BNC1: variants seen among roughly 807,000 people sequenced by gnomAD.
The protein encoded by BNC1 is zinc finger protein basonuclin-1.
A neutral mutation model predicts 66.5 loss-of-function variants in BNC1; 8 were observed. The ratio of observed to expected loss-of-function variants is 0.12; its 90% CI spans 0.07 to 0.22. The LOEUF is 0.22. BNC1 is among the 10% of genes least tolerant of loss of function. BNC1 has a pLI of 1.00. For missense variants in BNC1, 1,069 were observed against 1,241.3 expected (o/e 0.86, Z 2.09); for synonymous variants, 454 against 452.6 (o/e 1.00, Z -0.04).
Position 83,257,219 on chromosome 15 carries a change from GA to G in BNC1, c.*222del. The G allele has an allele frequency of 1.7e-6, 1 of 588,236 alleles. No individual in the cohort carries two copies. Among genetic ancestry groups the G allele is most frequent in the Non-Finnish European group, 3.0e-6 (1 of 338,648 alleles). 36.4% of individuals were successfully genotyped at this position (588,236 alleles called of 1,614,324 possible). A position where few individuals can be genotyped will look rare whatever the true frequency, so the allele number is the denominator to read the frequency against. ...TTCTGCAAGTTTTCCTTGTATCAGTGAAAGACCTCTTGGGCTAAGAAAAATA... is the reference window on the plus strand; with the variant it reads ...TTCTGCAAGTTTTCCTTGTATCAGTGAAGACCTCTTGGGCTAAGAAAAATA... On this transcript the variant is annotated 3_prime_UTR_variant, in exon 5 of 5. Coordinates refer to ENST00000345382, the MANE Select transcript of BNC1 (RefSeq NM_001717.4).
In BNC1 at chr15:83,264,001, A is replaced by T; in HGVS notation, c.1250T>A (p.Met417Lys). ...GTCTTTGTCCCGGTTATTTCTGTTCATTGGCATGTGCAGCCGAGGGTTGGG... is the reference window on the plus strand; with the variant it reads ...GTCTTTGTCCCGGTTATTTCTGTTCTTTGGCATGTGCAGCCGAGGGTTGGG... ...ANPNPRLHMP[M>K]NRNNRDKDLR... The change falls in exon 4 of 5, where the codon ATG becomes AAG. Residue 417 changes from methionine to lysine, a missense_variant. Physicochemically the swap from Met to Lys is moderately conservative, Grantham distance 95 (BLOSUM62 -1). Coordinates refer to ENST00000345382, the MANE Select transcript of BNC1 (RefSeq NM_001717.4). 6.2e-7 allele frequency: 1 copy of T among 1,614,134 alleles called. No individual in the cohort carries two copies. The highest frequency in any genetic ancestry group is 8.5e-7 in the Non-Finnish European group (1 of 1,180,040).
chr15:83,262,915 T>G, intron 4 of BNC1, 36 bp downstream of exon 4: 1 of 1,549,784 alleles, frequency 6.5e-7, no homozygotes, highest in Non-Finnish European at 8.7e-7. Context: ...GAAGAGCCAC[T>G]GCCTTAGAAA....
intron 1 of BNC1, among the ~76,000 whole-genome samples, chr15:83,280,819 A>G (rs1047869541): frequency 9.2e-5 from 14 of 152,214 alleles, no homozygotes; most frequent in African/African-American, 3.1e-4. Flanking sequence ...TAACTATATG[A>G]AAAAATGTTA....
intron 1 of BNC1, among the ~76,000 whole-genome samples, chr15:83,274,249 G>T (rs1341009215): frequency 1.3e-5 from 2 of 152,146 alleles, no homozygotes; most frequent in African/African-American, 2.4e-5. Context: ...GCCGGGCGTG[G>T]TGGCAGGCGC....
chr15:83,268,846 T>C (rs2038242510), intron 1 of BNC1, among the ~76,000 whole-genome samples: 1 of 152,238 alleles, frequency 6.6e-6, no homozygotes. Flanking sequence ...TATGGTGCCA[T>C]GTTTTATGTG....
chr15:83,258,518 C>T (rs2038108561), intron 4 of BNC1, among the ~76,000 whole-genome samples: 1 of 152,124 alleles, frequency 6.6e-6, no homozygotes, highest in Non-Finnish European at 1.5e-5. Context: ...TCCCATGTGC[C>T]CACAGCAGCA....
chr15:83,279,911 G>A (rs1200122576), intron 1 of BNC1, among the ~76,000 whole-genome samples: 1 of 152,192 alleles, frequency 6.6e-6, no homozygotes, highest in Non-Finnish European at 1.5e-5. Flanking sequence ...CAGGTGGGAG[G>A]TAGAGCTCCT....
Position 83,263,401 on chromosome 15 carries a change from G to T in BNC1, c.1850C>A (p.Ser617Tyr), listed in dbSNP as rs2038169953. ...AGGGGTTTGGCTGATGGCTCCACTG[G>T]ACTCAATTACTGATTCACGATGGCA... ...RPCHRESVIESSGAISQTPEQ... is the reference protein window; with the variant it reads ...RPCHRESVIEYSGAISQTPEQ... Residue 617 changes from serine to tyrosine, a missense_variant, in exon 4 of 5, where the codon TCC becomes TAC. Physicochemically the swap from Ser to Tyr is moderately radical, Grantham distance 144. Around this residue, in one of 7 missense-constraint regions of BNC1, gnomAD observed 657 missense variants for 715.8 expected, o/e 0.92. Transcript: ENST00000345382. 5 of 1,614,184 alleles carry T rather than the reference G, an allele frequency of 3.1e-6. No individual in the cohort carries two copies. The highest frequency in any genetic ancestry group is 4.2e-6 in the Non-Finnish European group (5 of 1,180,040).
chr15:83,267,046 G>C lies in BNC1; in HGVS notation c.225C>G (p.Pro75=), dbSNP rs1469858750. 2 of 1,612,816 alleles carry C rather than the reference G, an allele frequency of 1.2e-6. No individual in the cohort carries two copies. The highest frequency in any genetic ancestry group is 2.2e-5 in the East Asian group (1 of 44,862). The part of the protein sequence containing the change: ...AHALSKLRIP[P]MYPTSQVEIV... ...TCTCCACCTGGCTTGTTGGATACAT[G>C]GGGGGGATCCTTAGCTTACTTAGAG... Residue 75 remains proline (P), a synonymous_variant, in exon 3 of 5, where the codon CCC becomes CCG. Transcript: ENST00000345382.
chr15:83,263,844 G>T lies in BNC1; in HGVS notation c.1407C>A (p.Phe469Leu), dbSNP rs2038181538. 3.1e-6 allele frequency: 5 copies of T among 1,614,074 alleles called. No individual in the cohort carries two copies. The highest frequency in any genetic ancestry group is 4.2e-6 in the Non-Finnish European group (5 of 1,180,050). ...GCACACCATTTTGCCCAATGTTTGG[G>T]AAGGCTGGTTGGCCTTTGGAATCCT... ...SGEDSKGQPA[F>L]PNIGQNGVLF... The change falls in exon 4 of 5, where the codon TTC (phenylalanine) becomes TTA (leucine). Residue 469 changes from phenylalanine (F) to leucine (L), a missense_variant. Transcript: ENST00000345382.
rs1326416410 is a variant in BNC1 at position 83,268,178 on chromosome 15, T to A, written c.154A>T (p.Asn52Tyr). Residue 52 changes from asparagine to tyrosine, a missense_variant, in exon 2 of 5, where the codon AAC (asparagine) becomes TAC (tyrosine). Asn to Tyr is a moderately radical substitution (Grantham distance 143). Coordinates refer to ENST00000345382, the MANE Select transcript of BNC1 (RefSeq NM_001717.4). ...SCQSFKPGKINHRQCDQCKHG... is the reference protein window; with the variant it reads ...SCQSFKPGKIYHRQCDQCKHG... ...TTGCATTGGTCACACTGACGGTGGTTTATTTTCCCGGGTTTGAAACTTTGG... is the reference window on the plus strand; with the variant it reads ...TTGCATTGGTCACACTGACGGTGGTATATTTTCCCGGGTTTGAAACTTTGG... 1 of 1,614,202 alleles carries A rather than the reference T, an allele frequency of 6.2e-7. No individual in the cohort carries two copies. Among genetic ancestry groups the A allele is most frequent in the Non-Finnish European group, 8.5e-7 (1 of 1,180,032 alleles).
At chr15:83,258,530 T>A (rs1301987993) in intron 4 of BNC1, among the ~76,000 whole-genome samples, 1 of 152,154 alleles carries the variant, frequency 6.6e-6, no homozygotes, top group Non-Finnish European at 1.5e-5. Context: ...ACAGCAGCAC[T>A]TCCCCCATTG....
At chr15:83,267,139 AAGT>A in intron 2 of BNC1, 68 bp from the exon 3 acceptor site, 2 of 1,311,056 alleles carry the variant, frequency 1.5e-6, no homozygotes, top group Non-Finnish European at 2.2e-6. Context: ...CTGCAAAAAA[AAGT>A]AGGTTAGGAC....
At chr15:83,281,375 T>C (rs1272818985) in intron 1 of BNC1, among the ~76,000 whole-genome samples, 1 of 152,204 alleles carries the variant, frequency 6.6e-6, no homozygotes, top group African/African-American at 2.4e-5. Flanking sequence ...AGTAGAACAC[T>C]TGGAATTACG....
At chr15:83,283,501 A>T (rs1358378671) in intron 1 of BNC1, 7 of 985,150 alleles carry the variant, frequency 7.1e-6, no homozygotes, top group Non-Finnish European at 1.2e-6. Flanking sequence ...GCAGGTCCCA[A>T]GGCCAGGCTG....
At chr15:83,264,984 G>C (rs1229763117) in intron 3 of BNC1, among the ~76,000 whole-genome samples, 169 bp from the exon 4 acceptor site, 9 of 152,120 alleles carry the variant, frequency 5.9e-5, no homozygotes, top group African/African-American at 1.9e-4. Flanking sequence ...CAGGCCAGAA[G>C]CTTTGTGCAG....
chr15:83,275,301 G>C (rs189827119), intron 1 of BNC1, among the ~76,000 whole-genome samples: 115 of 152,294 alleles, frequency 7.6e-4, no homozygotes, highest in Middle Eastern at 6.8e-3. Context: ...TTCAGGACCA[G>C]ACTGGCCAAC....
intron 1 of BNC1, among the ~76,000 whole-genome samples, chr15:83,282,614 C>A (rs902532913): frequency 6.6e-6 from 1 of 152,054 alleles, no homozygotes; most frequent in Non-Finnish European, 1.5e-5. Flanking sequence ...CATCACTGAA[C>A]AAAAGTTTCA....
At chr15:83,272,987 G>C (rs553835372) in intron 1 of BNC1, among the ~76,000 whole-genome samples, 2 of 152,056 alleles carry the variant, frequency 1.3e-5, no homozygotes, top group Non-Finnish European at 2.9e-5. Flanking sequence ...CTTGGGGGGG[G>C]GCCTATACCA....
Sources: gnomAD v4.1 joint callset for allele counts (sites outside exome capture counted in the v4.1 genomes callset) on GRCh38, gnomAD v4.1.1 for gene constraint, gnomAD v4.1.1 regional missense constraint, MANE v1.5 for transcripts, NCBI Gene and HGNC (gene_info 2026-07-23, HGNC 2026-07-21) for gene names.